The following ATP6AP1 variants were observed in gnomAD, a reference collection of about 807,000 sequenced individuals.
ATP6AP1 encodes the protein ATPase H+ transporting accessory protein 1.
In ATP6AP1, 1 loss-of-function variant was observed where a neutral mutation model predicts 32.0. The observed-to-expected ratio is 0.03, with a 90% CI of 0.01 to 0.15. The LOEUF (loss-of-function observed/expected upper bound fraction) is 0.15, where lower values mean the gene tolerates loss of function less well. Ranked by LOEUF, ATP6AP1 falls within the 10% of genes least tolerant of loss-of-function variation. The probability of loss-of-function intolerance (pLI) is 1.00; values close to 1 mark genes in which losing one functional copy is unlikely to be tolerated. For synonymous variants in ATP6AP1, 187 were observed against 174.9 expected, an observed-to-expected ratio of 1.07 and a Z score of -0.55; for missense variants, 297 against 398.8, an observed-to-expected ratio of 0.74 and a Z score of 2.17.
chrX:154,429,043 G>A lies in ATP6AP1; in HGVS notation c.162-5G>A. 4.1e-6 allele frequency: 5 copies of A among 1,211,273 alleles called. No homozygotes were observed. The highest frequency in any genetic ancestry group is 5.6e-6 in the Non-Finnish European group (5 of 895,111). On this transcript the variant is annotated splice_polypyrimidine_tract_variant and splice_region_variant and intron_variant, in intron 1 of 9. Coordinates refer to ENST00000369762, the MANE Select transcript of ATP6AP1 (RefSeq NM_001183.6). ...TCTGACAGCACCTCTTCTGTGCCCT[G>A]CCAGGGACTTGTGGGCTCCTGCGGC... is the stretch of plus-strand genomic sequence containing the variant.
intron 2 of ATP6AP1, chrX:154,430,373 CCTCCCAAACTGCT>C (rs1557196581): frequency 7.1e-5 from 8 of 112,300 alleles, no homozygotes; most frequent in African/African-American, 2.6e-4. Context: ...CCCACCTCAG[CCTCCCAAACTGCT>C]GGGATTACAG....
At chrX:154,429,409 T>G in intron 2 of ATP6AP1, 1 of 385,904 alleles carries the variant, frequency 2.6e-6, no homozygotes, top group Non-Finnish European at 4.6e-6. Context: ...GCCAGGTACC[T>G]ACTGAGTACC....
chrX:154,428,787 T>TGGCGGCGGCGGCGGC lies in ATP6AP1; in HGVS notation c.102_116dup (p.Ala37_Ala41dup), dbSNP rs781797236. On this transcript the variant is annotated inframe_insertion, in exon 1 of 10. Coordinates refer to ENST00000369762, the MANE Select transcript of ATP6AP1 (RefSeq NM_001183.6). ...CCGTGGCTGCCGGTGTTTTTGTCGT[T>TGGCGGCGGCGGCGGC]GGCGGCGGCGGCGGCGGCGGCAGCG... The TGGCGGCGGCGGCGGC allele has an allele frequency of 1.8e-6, 2 of 1,124,708 alleles. No individual in the cohort carries two copies. Among genetic ancestry groups the TGGCGGCGGCGGCGGC allele is most frequent in the African/African-American group, 1.9e-5 (1 of 51,389 alleles). 92.7% of individuals were successfully genotyped at this position (1,124,708 alleles called of 1,213,427 possible).
In ATP6AP1 at chrX:154,434,431, A is replaced by G. The variant is rs1557197336; in HGVS notation, c.908A>G (p.Asn303Ser). The change falls in exon 7 of 10, where the codon AAT becomes AGT. Residue 303 changes from asparagine to serine, a missense_variant. Around this residue, in one of 2 missense-constraint regions of ATP6AP1, gnomAD observed 155 missense variants for 253.8 expected, o/e 0.61. Coordinates refer to ENST00000369762, the MANE Select transcript of ATP6AP1 (RefSeq NM_001183.6). Reference protein sequence around the residue: ...QELNLTGSFWNDSFARLSLTY... With the variant: ...QELNLTGSFWSDSFARLSLTY... ...CTCAACCTGACTGGCTCCTTCTGGA[A>G]TGACTCCTTTGCCAGGCAAGGGCAC... The G allele has an allele frequency of 5.8e-6, 7 of 1,210,897 alleles. No individual in the cohort carries two copies. Among genetic ancestry groups the G allele is most frequent in the Non-Finnish European group, 7.8e-6 (7 of 894,653 alleles).
rs782343507 is a variant in ATP6AP1 at position 154,428,738 on chromosome X, T to A, written c.46T>A (p.Cys16Ser). ...GGCTCGAGTGCGGATGGGGCCGCGG[T>A]GCGCCCAGGCGCTCTGGCGCATGCC... ...ATARVRMGPRCAQALWRMPWL... is the reference protein window; with the variant it reads ...ATARVRMGPRSAQALWRMPWL... The change falls in exon 1 of 10, where the codon TGC (cysteine) becomes AGC (serine). Residue 16 changes from cysteine (C) to serine (S), a missense_variant. This residue lies in a region of ATP6AP1 where 142 missense variants were observed against 145.0 expected (regional missense o/e 0.98). Coordinates refer to ENST00000369762, the MANE Select transcript of ATP6AP1 (RefSeq NM_001183.6). 8.7e-7 allele frequency: 1 copy of A among 1,146,905 alleles called. No individual in the cohort carries two copies. Among genetic ancestry groups the A allele is most frequent in the South Asian group, 1.9e-5 (1 of 51,900 alleles). 94.5% of individuals were successfully genotyped at this position (1,146,905 alleles called of 1,213,427 possible).
At chrX:154,431,467 A>G in intron 2 of ATP6AP1, 1 of 198,554 alleles carries the variant, frequency 5.0e-6, no homozygotes, top group Non-Finnish European at 9.3e-6. Context: ...GCCTGCCACA[A>G]ATGCTCTTGG....
intron 5 of ATP6AP1, 152 bp downstream of exon 5, chrX:154,433,123 C>T (rs1557197112): frequency 3.0e-6 from 2 of 669,488 alleles, no homozygotes; most frequent in Non-Finnish European, 2.3e-6. Flanking sequence ...AATGCTGGCT[C>T]CCAGGACCAG....
chrX:154,433,018 G>A (rs1051064295), intron 5 of ATP6AP1, 47 bp downstream of exon 5: 7 of 1,189,657 alleles, frequency 5.9e-6, no homozygotes, highest in Non-Finnish European at 6.8e-6. Flanking sequence ...GCCCTTGGGT[G>A]GGGGCCACAG....
Position 154,436,088 on chromosome X carries a change from A to G in ATP6AP1, c.*197A>G. ...CCCCATCTCTCCCAACAAGGTGTAC[A>G]TATTCTGCGTAGATGCTAGACCAAC... On this transcript the variant is annotated 3_prime_UTR_variant, in exon 10 of 10. Transcript: ENST00000369762. 1 of 456,582 alleles carries G rather than the reference A, an allele frequency of 2.2e-6. No homozygotes were observed. The highest frequency in any genetic ancestry group is 2.4e-5 in the African/African-American group (1 of 41,497). The allele number at this position is 456,582 out of a possible 1,213,427, so 37.6% of individuals were successfully genotyped here. A position where few individuals can be genotyped will look rare whatever the true frequency, so the allele number is the denominator to read the frequency against.
At position 154,428,782 on chromosome X, in the gene ATP6AP1, G is replaced by C; in HGVS notation, c.90G>C (p.Leu30Phe). Residue 30 changes from leucine to phenylalanine, a missense_variant, in exon 1 of 10, where the codon TTG (leucine) becomes TTC (phenylalanine). Physicochemically the swap from Leu to Phe is conservative, Grantham distance 22 (BLOSUM62 0). Coordinates refer to ENST00000369762, the MANE Select transcript of ATP6AP1 (RefSeq NM_001183.6). The stretch of plus-strand genomic sequence containing the variant: ...GCATGCCGTGGCTGCCGGTGTTTTT[G>C]TCGTTGGCGGCGGCGGCGGCGGCGG... ...LWRMPWLPVFLSLAAAAAAAA... is the reference protein window; with the variant it reads ...LWRMPWLPVFFSLAAAAAAAA... The C allele has an allele frequency of 8.9e-7, 1 of 1,128,580 alleles. No homozygotes were observed. Among genetic ancestry groups the C allele is most frequent in the Non-Finnish European group, 1.2e-6 (1 of 862,086 alleles). The allele number at this position is 1,128,580 out of a possible 1,213,427, so 93.0% of individuals were successfully genotyped here.
At chrX:154,429,574 CATA>C (rs782752136) in intron 2 of ATP6AP1, 37 of 130,869 alleles carry the variant, frequency 2.8e-4, no homozygotes, top group Admixed American at 6.0e-4. Context: ...CTGTGATGAT[CATA>C]ATAATGATAA....
rs1557196306 is a variant in ATP6AP1, at chrX:154,428,859, C to T, written c.161+6C>T. On this transcript the variant is annotated splice_donor_region_variant and intron_variant, in intron 1 of 9. Coordinates refer to ENST00000369762, the MANE Select transcript of ATP6AP1 (RefSeq NM_001183.6). The stretch of plus-strand genomic sequence containing the variant: ...GTGCTGTGGTCGAGTGACCGGTGAG[C>T]GGGCCGGGGTGGGATGCGCTGTGGC... 11 of 1,088,523 alleles carry T rather than the reference C, an allele frequency of 1.0e-5. No individual in the cohort carries two copies. The highest frequency in any genetic ancestry group is 1.3e-5 in the Non-Finnish European group (11 of 844,383). 89.7% of individuals were successfully genotyped at this position (1,088,523 alleles called of 1,213,427 possible). A position where few individuals can be genotyped will look rare whatever the true frequency, so the allele number is the denominator to read the frequency against.
intron 2 of ATP6AP1, chrX:154,429,480 T>C: frequency 4.3e-6 from 1 of 232,296 alleles, no homozygotes. Flanking sequence ...TCCCTGTTTG[T>C]TTATAGATGA....
rs782634957 is a variant in ATP6AP1, at chrX:154,432,991, A to G, written c.598+20A>G. 8.3e-7 allele frequency: 1 copy of G among 1,208,115 alleles called. No individual in the cohort carries two copies. Among genetic ancestry groups the G allele is most frequent in the Non-Finnish European group, 1.1e-6 (1 of 892,693 alleles). On this transcript the variant is annotated intron_variant, in intron 5 of 9. Transcript: ENST00000369762. Reference sequence around the variant, plus strand: ...GCAACGGTGAGTAGAATCAGGGAGGATGCACGTCCTCATCTAGCCCTTGGG... The same window carrying G: ...GCAACGGTGAGTAGAATCAGGGAGGGTGCACGTCCTCATCTAGCCCTTGGG...
rs782078877 is a variant in ATP6AP1, at chrX:154,429,218, G to A, written c.288+44G>A. The A allele has an allele frequency of 2.5e-6, 3 of 1,195,093 alleles. No individual in the cohort carries two copies. The Admixed American group carries it at 6.6e-5, about 26-fold the overall frequency. ...ACTCTCCCCCGGTCATCGGGAGGCAGCCAGGCCCCCTCCCCCCATGACACT... is the reference window on the plus strand; with the variant it reads ...ACTCTCCCCCGGTCATCGGGAGGCAACCAGGCCCCCTCCCCCCATGACACT... On this transcript the variant is annotated intron_variant, in intron 2 of 9. Coordinates refer to ENST00000369762, the MANE Select transcript of ATP6AP1 (RefSeq NM_001183.6).
rs1340036616 is a variant in ATP6AP1, at chrX:154,434,181, A to G, written c.685-27A>G. Reference sequence around the variant, plus strand: ...TGTGACACTCTCCCAGGGCTGCTGAAAGAAGGCTGGTTGGGTGTTTCTGCA... The same window carrying G: ...TGTGACACTCTCCCAGGGCTGCTGAGAGAAGGCTGGTTGGGTGTTTCTGCA... On this transcript the variant is annotated intron_variant, in intron 6 of 9. Transcript: ENST00000369762. 2.5e-6 allele frequency: 3 copies of G among 1,198,812 alleles called. No individual in the cohort carries two copies. In the African/African-American group the frequency reaches 5.3e-5, roughly 21 times the overall value.
At chrX:154,432,489 T>C in intron 4 of ATP6AP1, 30 bp downstream of exon 4, 1 of 1,146,989 alleles carries the variant, frequency 8.7e-7, no homozygotes, top group Non-Finnish European at 1.2e-6. Context: ...GCCACCAGCC[T>C]CGGGGCCCAG....
rs368929031 is a variant in ATP6AP1 at position 154,435,327 on chromosome X, T to C, written c.1025T>C (p.Met342Thr). The C allele has an allele frequency of 2.1e-5, 25 of 1,210,377 alleles. No homozygotes were observed. The highest frequency in any genetic ancestry group is 2.7e-5 in the Non-Finnish European group (24 of 895,257). The change falls in exon 9 of 10, where the codon ATG becomes ACG. Residue 342 changes from methionine to threonine, a missense_variant. Physicochemically the swap from Met to Thr is moderately conservative, Grantham distance 81. Around this residue, in one of 2 missense-constraint regions of ATP6AP1, gnomAD observed 155 missense variants for 253.8 expected, o/e 0.61. Coordinates refer to ENST00000369762, the MANE Select transcript of ATP6AP1 (RefSeq NM_001183.6). The part of the protein sequence containing the change: ...YPVSARHWFT[M>T]ERLEVHSNGS... ...GTGTCTGCCCGGCACTGGTTTACCA[T>C]GGAGCGCCTCGAAGTCCACAGCAAT...
rs1329793341 is a variant in ATP6AP1, at chrX:154,436,046, G to A, written c.*155G>A. 1.9e-6 allele frequency: 1 copy of A among 540,018 alleles called. No individual in the cohort carries two copies. The highest frequency in any genetic ancestry group is 3.0e-6 in the Non-Finnish European group (1 of 334,580). 44.5% of individuals were successfully genotyped at this position (540,018 alleles called of 1,213,427 possible). A position where few individuals can be genotyped will look rare whatever the true frequency, so the allele number is the denominator to read the frequency against. On this transcript the variant is annotated 3_prime_UTR_variant, in exon 10 of 10. Coordinates refer to ENST00000369762, the MANE Select transcript of ATP6AP1 (RefSeq NM_001183.6). ...CTTGCTCCCTCTTCAGCCCGCTGAG[G>A]AGCTTTCTTGGGCTGCCCCCATCTC... is the stretch of plus-strand genomic sequence containing the variant.
Sources: gnomAD v4.1 joint callset for allele counts on GRCh38, gnomAD v4.1.1 for gene constraint, gnomAD v4.1.1 regional missense constraint, MANE v1.5 for transcripts, NCBI Gene and HGNC (gene_info 2026-07-23, HGNC 2026-07-21) for gene names.